SSUH2: variants seen among roughly 807,000 people sequenced by gnomAD.
The protein encoded by SSUH2 is ssu-2 homolog.
SSUH2 carries 47 observed loss-of-function variants against 55.3 expected under a neutral mutation model. That is an observed-to-expected ratio of 0.85 (90% confidence interval 0.67 to 1.08). The LOEUF (loss-of-function observed/expected upper bound fraction) is 1.08, where lower values mean the gene tolerates loss of function less well. SSUH2 is among the 50% of genes least tolerant of loss of function. SSUH2 has a pLI of 0.00. For missense variants in SSUH2, 535 were observed against 490.7 expected (o/e 1.09, Z -0.85); for synonymous variants, 212 against 191.5 (o/e 1.11, Z -0.89).
intron 6 of SSUH2, 106 bp downstream of exon 6, chr3:8,630,699 A>T: frequency 8.9e-7 from 1 of 1,128,440 alleles, no homozygotes; most frequent in Non-Finnish European, 1.2e-6. Context: ...CACCGGCCTG[A>T]ATTTTGGGTT....
At chr3:8,631,284 T>C (rs529422600) in intron 5 of SSUH2, among the ~76,000 whole-genome samples, 1 of 152,310 alleles carries the variant, frequency 6.6e-6, no homozygotes, top group Admixed American at 6.5e-5. Context: ...ATAAAATTGT[T>C]AGCACCAGGA....
At chr3:8,676,534 T>A (rs1705295578) in intron 3 of SSUH2, among the ~76,000 whole-genome samples, 1 of 150,982 alleles carries the variant, frequency 6.6e-6, no homozygotes, top group South Asian at 2.1e-4. Flanking sequence ...CGGGGGTGAA[T>A]ACTTACTGCC....
chr3:8,678,664 C>T (rs56115124), intron 2 of SSUH2, among the ~76,000 whole-genome samples: 1 of 54,274 alleles, frequency 1.8e-5, no homozygotes, highest in Admixed American at 1.9e-4. Context: ...AGGCACCCCC[C>T]GCGAGGCGGG....
At chr3:8,665,891 A>C (rs544743670) in intron 5 of SSUH2, among the ~76,000 whole-genome samples, 1 of 152,290 alleles carries the variant, frequency 6.6e-6, no homozygotes, top group African/African-American at 2.4e-5. Context: ...TTTCAACATC[A>C]AAGTTGTTGC....
intron 11 of SSUH2, 82 bp from the exon 12 acceptor site, chr3:8,620,096 CTGTGTGTGGTA>C: frequency 6.7e-7 from 1 of 1,496,866 alleles, no homozygotes; most frequent in South Asian, 1.3e-5. Context: ...TAGCTCCCTA[CTGTGTGTGGTA>C]TGAAAGGTCC....
At chr3:8,681,080 G>GCA (rs1408421611) in intron 1 of SSUH2, among the ~76,000 whole-genome samples, 1 of 101,162 alleles carries the variant, frequency 9.9e-6, no homozygotes, top group Non-Finnish European at 2.4e-5. Context: ...GACTTCCATA[G>GCA]CAGGGGGGAG....
intron 5 of SSUH2, among the ~76,000 whole-genome samples, chr3:8,666,755 T>C (rs1452333169): frequency 6.6e-6 from 1 of 152,138 alleles, no homozygotes; most frequent in African/African-American, 2.4e-5. Context: ...GAATACTCAG[T>C]CCCCAAGACC....
At chr3:8,654,393 C>A (rs1702728224) in intron 7 of SSUH2, among the ~76,000 whole-genome samples, 2 of 152,230 alleles carry the variant, frequency 1.3e-5, no homozygotes, top group Admixed American at 6.5e-5. Flanking sequence ...TCACCCACGT[C>A]ATCTCAGTTT....
intron 10 of SSUH2, 83 bp from the exon 11 acceptor site, chr3:8,623,739 G>A (rs1290528013): frequency 1.2e-5 from 8 of 675,142 alleles, no homozygotes; most frequent in African/African-American, 1.8e-5. Flanking sequence ...TAGAGCCAGA[G>A]CCAGAGCCAG....
At chr3:8,645,526 C>A (rs17049395), upstream of SSUH2, among the ~76,000 whole-genome samples, 1,495 of 152,312 alleles carry the variant, frequency 9.8e-3, 30 homozygotes, top group African/African-American at 0.034. Flanking sequence ...AGTCTAAACA[C>A]AGAACTTGTG....
At chr3:8,624,846 G>A (rs941250147) in intron 10 of SSUH2, among the ~76,000 whole-genome samples, 4 of 152,088 alleles carry the variant, frequency 2.6e-5, no homozygotes, top group African/African-American at 7.2e-5. Context: ...TGAGCTCCTA[G>A]CTCTGCCCTG....
Position 8,674,000 on chromosome 3 carries a change from C to T in SSUH2, c.-752-1965G>A, listed in dbSNP as rs534841609. ...GCACATGATTCACATGGCTTTAGTC[C>T]GTCAAAGCGCGGAACACGTTAGAAG... On this transcript the variant is annotated intron_variant, in intron 3 of 18. Transcript: ENST00000317371. 3.3e-5 allele frequency among the ~76,000 whole-genome samples: 5 copies of T among 152,310 alleles called. No individual in the cohort carries two copies. The South Asian group carries it at 8.3e-4, about 25-fold the overall frequency.
At chr3:8,678,888 CAAG>C (rs1705679478) in intron 2 of SSUH2, among the ~76,000 whole-genome samples, 2 of 110,244 alleles carry the variant, frequency 1.8e-5, no homozygotes, top group Non-Finnish European at 2.1e-5. Flanking sequence ...ATCCCCATTG[CAAG>C]GGAGGGAGGC....
At chr3:8,664,471 G>T (rs151114190) in intron 5 of SSUH2, among the ~76,000 whole-genome samples, 2 of 151,622 alleles carry the variant, frequency 1.3e-5, no homozygotes, top group Admixed American at 6.6e-5. Context: ...CAAAATTTCT[G>T]AGCAATTTTT....
chr3:8,679,931 C>G (rs978002720), intron 1 of SSUH2: 1 of 152,186 alleles, frequency 6.6e-6, no homozygotes, highest in African/African-American at 2.4e-5. Context: ...GCAGTATTAG[C>G]CAAGCCTTTG....
intron 7 of SSUH2, among the ~76,000 whole-genome samples, chr3:8,654,003 T>C (rs1007002586): frequency 1.3e-5 from 2 of 152,192 alleles, no homozygotes; most frequent in African/African-American, 4.8e-5. Flanking sequence ...CTTGTATTAG[T>C]CAGCTCAGGC....
Position 8,626,277 on chromosome 3 carries a change from C to T in SSUH2, c.719G>A (p.Cys240Tyr). The change falls in exon 9 of 12, where the codon TGC becomes TAC. Residue 240 changes from cysteine to tyrosine, a missense_variant. Cys to Tyr is a radical substitution (Grantham distance 194). Transcript: ENST00000544814. ...GTGCAACAGCTTCTTCTCCCCCTTG[C>T]AGGTGGCGCAGGTCTTGTTCCCTCT... ...SGRGNKTCATCKGEKKLLHFI... is the reference protein window; with the variant it reads ...SGRGNKTCATYKGEKKLLHFI... 1.2e-6 allele frequency: 2 copies of T among 1,614,114 alleles called. No individual in the cohort carries two copies. Among genetic ancestry groups the T allele is most frequent in the Non-Finnish European group, 1.7e-6 (2 of 1,179,990 alleles).
At chr3:8,644,680 G>C in intron 1 of SSUH2, 51 bp downstream of exon 1, 5 of 1,504,290 alleles carry the variant, frequency 3.3e-6, no homozygotes, top group Non-Finnish European at 4.5e-6. Flanking sequence ...TCAAATGCAG[G>C]CTAAAATATC....
chr3:8,646,150 C>T (rs550572783), upstream of SSUH2, among the ~76,000 whole-genome samples: 1 of 152,226 alleles, frequency 6.6e-6, no homozygotes, highest in African/African-American at 2.4e-5. Flanking sequence ...ATTTGTATGC[C>T]TTTCTCTGCG....
Sources: allele counts gnomAD v4.1 joint callset (sites outside exome capture counted in the v4.1 genomes callset), GRCh38; gene constraint gnomAD v4.1.1; transcripts MANE v1.5; gene names NCBI Gene and HGNC (gene_info 2026-07-23, HGNC 2026-07-21).